The following SPEF2 variants were observed in gnomAD, a reference collection of about 807,000 sequenced individuals.
The protein encoded by SPEF2 is sperm flagella and cilia-associated protein 2.
In SPEF2, 187 loss-of-function variants were observed where a neutral mutation model predicts 224.6. The observed-to-expected ratio is 0.83, with a 90% CI of 0.74 to 0.94. The LOEUF is 0.94. SPEF2 is among the 40% of genes least tolerant of loss of function. The pLI is 0.00. For missense variants in SPEF2, 2,170 were observed against 2,135.6 expected, an observed-to-expected ratio of 1.02 and a Z score of -0.32; for synonymous variants, 715 against 707.3, an observed-to-expected ratio of 1.01 and a Z score of -0.17.
At chr5:35,800,985 A>C (rs571976149) in intron 34 of SPEF2, among the ~76,000 whole-genome samples, 7 of 152,226 alleles carry the variant, frequency 4.6e-5, no homozygotes, top group Non-Finnish European at 1.0e-4. Context: ...GAGGGAAGAG[A>C]TAAACTCTTA....
chr5:35,641,739 A>T, intron 3 of SPEF2, 56 bp downstream of exon 3: 1 of 1,548,552 alleles, frequency 6.5e-7, no homozygotes, highest in Non-Finnish European at 8.7e-7. Flanking sequence ...TGATAAAGAG[A>T]AATGACAATG....
intron 7 of SPEF2, 28 bp downstream of exon 7, chr5:35,654,754 A>C (rs758256689): frequency 6.3e-7 from 1 of 1,581,404 alleles, no homozygotes. Context: ...AGGTTAAGTA[A>C]TAGTGCTGGG....
chr5:35,741,672 C>G (rs1747665026), intron 23 of SPEF2, among the ~76,000 whole-genome samples: 2 of 152,162 alleles, frequency 1.3e-5, no homozygotes, highest in African/African-American at 4.8e-5. Context: ...GCAATAGAAG[C>G]AAGGCGTCAT....
chr5:35,684,677 A>G (rs1360371212), intron 10 of SPEF2, among the ~76,000 whole-genome samples: 1 of 152,226 alleles, frequency 6.6e-6, no homozygotes, highest in African/African-American at 2.4e-5. Flanking sequence ...CTGGTGAAAT[A>G]CATATTGTTA....
chr5:35,669,449 T>G (rs1227879331), intron 9 of SPEF2, among the ~76,000 whole-genome samples: 1 of 152,142 alleles, frequency 6.6e-6, no homozygotes, highest in East Asian at 1.9e-4. Flanking sequence ...AGTCATACTG[T>G]TGTGCTTTCC....
intron 36 of SPEF2, among the ~76,000 whole-genome samples, chr5:35,811,787 T>TTTTTTTG (rs55802634): frequency 6.7e-6 from 1 of 148,860 alleles, no homozygotes; most frequent in African/African-American, 2.5e-5. Context: ...TTTTTTTTTT[T>TTTTTTTG]GAGACAGAGT....
Position 35,670,150 on chromosome 5 carries a change from G to A in SPEF2, c.1447G>A (p.Ala483Thr), listed in dbSNP as rs778593277. The change falls in exon 10 of 37, where the codon GCT (alanine) becomes ACT (threonine). Residue 483 changes from alanine (A) to threonine (T), a missense_variant. Physicochemically the swap from Ala to Thr is moderately conservative, Grantham distance 58. Coordinates refer to ENST00000356031, the MANE Select transcript of SPEF2 (RefSeq NM_024867.4). ...ACAAGCCTCTGTTAAGACACTACCT[G>A]CTAACCCCTCAAGAGAACAACTTAC... The part of the protein sequence containing the change: ...YEQASVKTLP[A>T]NPSREQLTEL... 4.3e-6 allele frequency: 7 copies of A among 1,612,244 alleles called. No individual in the cohort carries two copies. The South Asian group carries it at 6.6e-5, about 15-fold the overall frequency.
chr5:35,708,581 TCACTAC>T (rs1740323955), intron 18 of SPEF2, among the ~76,000 whole-genome samples: 3 of 121,394 alleles, frequency 2.5e-5, no homozygotes, highest in Non-Finnish European at 5.3e-5. Context: ...ACCACCACCA[TCACTAC>T]CACCATCCCC....
At chr5:35,777,617 C>G (rs1432192815) in intron 29 of SPEF2, among the ~76,000 whole-genome samples, 1 of 151,690 alleles carries the variant, frequency 6.6e-6, no homozygotes, top group Admixed American at 6.6e-5. Flanking sequence ...TCTACAGATG[C>G]TGTCATGAAC....
intron 13 of SPEF2, among the ~76,000 whole-genome samples, chr5:35,694,734 C>G (rs1166513118): frequency 1.3e-5 from 2 of 152,124 alleles, no homozygotes; most frequent in East Asian, 1.9e-4. Context: ...TTTCTACGTG[C>G]TCCTGCTTTG....
intron 23 of SPEF2, among the ~76,000 whole-genome samples, chr5:35,743,169 T>C (rs1747954582): frequency 6.6e-6 from 1 of 151,700 alleles, no homozygotes; most frequent in Non-Finnish European, 1.5e-5. Flanking sequence ...TCTTCACTTA[T>C]TATTAGGCAT....
chr5:35,675,945 G>A (rs1751945195), intron 10 of SPEF2: 2 of 456,096 alleles, frequency 4.4e-6, no homozygotes, highest in Admixed American at 2.3e-5. Context: ...GATGAACTTG[G>A]GTCATGTGAA....
intron 10 of SPEF2, chr5:35,670,985 C>A: frequency 1.0e-6 from 1 of 985,322 alleles, no homozygotes. Context: ...CTCCCCATCC[C>A]ACTCCATCTC....
intron 28 of SPEF2, among the ~76,000 whole-genome samples, chr5:35,774,471 C>A (rs1378170745): frequency 6.6e-6 from 1 of 151,980 alleles, no homozygotes; most frequent in Non-Finnish European, 1.5e-5. Context: ...GGCTAACAGG[C>A]CCTGAAAATG....
Position 35,628,538 on chromosome 5 carries a change from A to G in SPEF2, c.137A>G (p.Asp46Gly). 1.2e-6 allele frequency: 2 copies of G among 1,612,884 alleles called. No individual in the cohort carries two copies. The highest frequency in any genetic ancestry group is 1.7e-6 in the Non-Finnish European group (2 of 1,179,052). The change falls in exon 2 of 37, where the codon GAT becomes GGT. Residue 46 changes from aspartate (D) to glycine (G), a missense_variant. By Grantham distance (94) the Asp-to-Gly change is moderately conservative. Coordinates refer to ENST00000356031, the MANE Select transcript of SPEF2 (RefSeq NM_024867.4). ...CTACACAAGTTTGAACTTCAGGATG[A>G]TTTTTCAGAATTTTTGGACAGCAGG... is the stretch of plus-strand genomic sequence containing the variant. Reference protein sequence around the residue: ...EVLHKFELQDDFSEFLDSRVS... With the variant: ...EVLHKFELQDGFSEFLDSRVS...
In SPEF2 at chr5:35,768,536, CTA is replaced by C. The variant is rs548386091; in HGVS notation, c.3802-3071_3802-3070del. Among the ~76,000 whole-genome samples, 15 of 152,160 alleles carry C rather than the reference CTA, an allele frequency of 9.9e-5. No homozygotes were observed. In the East Asian group the frequency reaches 2.9e-3, roughly 29 times the overall value. Reference sequence around the variant, plus strand: ...CTATATCTATAATATTGGAGATAGTCTATCTTTACTTTATTGAATGGCTGAAA... The same window carrying C: ...CTATATCTATAATATTGGAGATAGTCTCTTTACTTTATTGAATGGCTGAAA... On this transcript the variant is annotated intron_variant, in intron 26 of 36. Transcript: ENST00000356031.
intron 8 of SPEF2, among the ~76,000 whole-genome samples, chr5:35,666,801 T>C (rs1369013480): frequency 6.6e-6 from 1 of 152,184 alleles, no homozygotes; most frequent in Non-Finnish European, 1.5e-5. Context: ...ATCCAATTCC[T>C]CATTAATCCA....
chr5:35,630,203 G>C (rs1182958690), intron 2 of SPEF2, among the ~76,000 whole-genome samples: 1 of 152,098 alleles, frequency 6.6e-6, no homozygotes, highest in Non-Finnish European at 1.5e-5. Flanking sequence ...AGTGTATGTG[G>C]CTTTTCCAGG....
chr5:35,813,492 TA>T (rs1758662502), intron 36 of SPEF2, among the ~76,000 whole-genome samples: 1 of 151,846 alleles, frequency 6.6e-6, no homozygotes, highest in Non-Finnish European at 1.5e-5. Flanking sequence ...ACTCTATTTC[TA>T]AAAAAAATAA....
Sources: gnomAD v4.1 joint callset for allele counts (sites outside exome capture counted in the v4.1 genomes callset) on GRCh38, gnomAD v4.1.1 for gene constraint, MANE v1.5 for transcripts, NCBI Gene and HGNC (gene_info 2026-07-23, HGNC 2026-07-21) for gene names.